ANKRD28: variants seen among roughly 807,000 people sequenced by gnomAD.
ANKRD28 encodes ankyrin repeat domain 28.
ANKRD28 carries 44 observed loss-of-function variants against 126.5 expected under a neutral mutation model. That is an observed-to-expected ratio of 0.35 (90% CI 0.27 to 0.45). The LOEUF (loss-of-function observed/expected upper bound fraction) is 0.45, where lower values mean the gene tolerates loss of function less well. Ranked by LOEUF, ANKRD28 falls within the 20% of genes least tolerant of loss-of-function variation. The pLI is 1.00. For missense variants in ANKRD28, 1,110 were observed against 1,316.6 expected, an observed-to-expected ratio of 0.84 and a Z score of 2.43; for synonymous variants, 442 against 468.5, an observed-to-expected ratio of 0.94 and a Z score of 0.73.
In ANKRD28 at chr3:15,841,712, G is replaced by A. The variant is rs1292495613; in HGVS notation, c.27+17665C>T. Among the ~76,000 whole-genome samples the A allele has an allele frequency of 2.0e-5, 3 of 152,194 alleles. No homozygotes were observed. In the East Asian group the frequency reaches 5.8e-4, roughly 29 times the overall value. Reference sequence around the variant, plus strand: ...CGGCATCACTGAGCATCAGAGAAATGCAAATCAAAACTACAATCATCTCAC... The same window carrying A: ...CGGCATCACTGAGCATCAGAGAAATACAAATCAAAACTACAATCATCTCAC... On this transcript the variant is annotated intron_variant, in intron 1 of 27. Transcript: ENST00000399451.
At chr3:15,856,231 C>A (rs1416476883) in intron 1 of ANKRD28, among the ~76,000 whole-genome samples, 1 of 152,188 alleles carries the variant, frequency 6.6e-6, no homozygotes, top group African/African-American at 2.4e-5. Flanking sequence ...CACACCAGCA[C>A]TGCAACAATG....
rs773703423 is a variant in ANKRD28 at position 15,670,294 on chromosome 3, G to A, written c.3228C>T (p.Asn1076=). The A allele has an allele frequency of 1.9e-5, 31 of 1,613,590 alleles. No homozygotes were observed. In the Admixed American group the frequency reaches 3.8e-4, roughly 20 times the overall value. The stretch of plus-strand genomic sequence containing the variant: ...CTCAGTAGGTCTCAGAATCGGAGTC[G>A]TTGAGCTCATCCACGTCAGTGTATA... ...EYLYTDVDEL[N]DSDSETY The change falls in exon 28 of 28, where the codon AAC becomes AAT. Residue 1076 remains asparagine, a synonymous_variant. Transcript: ENST00000683139.
In ANKRD28 at chr3:15,845,824, T is replaced by C. The variant is rs903071352; in HGVS notation, c.27+13553A>G. ...AAGGGGAAGCAAGCACGTCTTAATA[T>C]GGTGGAGCAGGAGGTAGGGGTATGT... On this transcript the variant is annotated intron_variant, in intron 1 of 27. Coordinates refer to the ANKRD28 transcript ENST00000399451. The surrounding 1 kb of genome is among the most constrained non-coding windows in gnomAD (Gnocchi z 4.9). Among the ~76,000 whole-genome samples, 1 of 152,154 alleles carries C rather than the reference T, an allele frequency of 6.6e-6. No homozygotes were observed. Among genetic ancestry groups the C allele is most frequent in the African/African-American group, 2.4e-5 (1 of 41,446 alleles).
rs1050094105 is a variant in ANKRD28 at position 15,853,873 on chromosome 3, T to C, written c.27+5504A>G. On this transcript the variant is annotated intron_variant, in intron 1 of 27. Transcript: ENST00000399451. The surrounding 1 kb of genome is among the most constrained non-coding windows in gnomAD (Gnocchi z 4.2). ...TCATACAAATCCAAGACACTCTCAA[T>C]TGTAGATACAAACAGGTCATTAATA... is the stretch of plus-strand genomic sequence containing the variant. 2.8e-4 allele frequency among the ~76,000 whole-genome samples: 42 copies of C among 152,188 alleles called. No individual in the cohort carries two copies. The highest frequency in any genetic ancestry group is 1.0e-3 in the African/African-American group (42 of 41,444).
chr3:15,803,108 G>C (rs1428612912), intron 1 of ANKRD28, among the ~76,000 whole-genome samples: 1 of 152,192 alleles, frequency 6.6e-6, no homozygotes, highest in Non-Finnish European at 1.5e-5. Flanking sequence ...AAGTTATAAA[G>C]TTTGTATTTT....
At chr3:15,848,647 G>T (rs1310025883) in intron 1 of ANKRD28, among the ~76,000 whole-genome samples, 3 of 151,896 alleles carry the variant, frequency 2.0e-5, no homozygotes, top group African/African-American at 7.2e-5. Flanking sequence ...CTGCACTACA[G>T]CCTGGGTGAC....
At chr3:15,717,750 C>G (rs1035464603) in intron 8 of ANKRD28, among the ~76,000 whole-genome samples, 1 of 152,144 alleles carries the variant, frequency 6.6e-6, no homozygotes, top group African/African-American at 2.4e-5. Context: ...ATGAAGCAAT[C>G]AGTGCAGTAA....
chr3:15,746,861 A>AT (rs1276044119), intron 4 of ANKRD28, among the ~76,000 whole-genome samples: 1 of 152,154 alleles, frequency 6.6e-6, no homozygotes, highest in Non-Finnish European at 1.5e-5. Flanking sequence ...TAAAATTATC[A>AT]TTTCAATCTT....
intron 1 of ANKRD28, among the ~76,000 whole-genome samples, chr3:15,832,366 A>C (rs1298251598): frequency 6.6e-6 from 1 of 152,236 alleles, no homozygotes; most frequent in Non-Finnish European, 1.5e-5. Context: ...GGTGCTGAGC[A>C]AAAGTGTCTC....
intron 6 of ANKRD28, among the ~76,000 whole-genome samples, chr3:15,729,732 A>G (rs1282747783): frequency 6.6e-6 from 1 of 152,222 alleles, no homozygotes; most frequent in Non-Finnish European, 1.5e-5. Context: ...TGCAAGACGC[A>G]TAAAGAACCA....
At chr3:15,808,355 G>A (rs1213239402) in intron 1 of ANKRD28, among the ~76,000 whole-genome samples, 1 of 152,138 alleles carries the variant, frequency 6.6e-6, no homozygotes. Flanking sequence ...GTTCCTCACA[G>A]CAATGCTTTA....
intron 18 of ANKRD28, among the ~76,000 whole-genome samples, chr3:15,686,897 A>G (rs1176930066): frequency 1.3e-5 from 2 of 152,072 alleles, no homozygotes; most frequent in Admixed American, 6.5e-5. Context: ...CAGAGCTCTG[A>G]CACCGTTGTA....
chr3:15,686,961 T>G (rs931301683), intron 18 of ANKRD28, among the ~76,000 whole-genome samples: 4 of 151,712 alleles, frequency 2.6e-5, no homozygotes, highest in Non-Finnish European at 5.9e-5. Flanking sequence ...TTTTTTTTTT[T>G]GAGACAGAAT....
intron 4 of ANKRD28, among the ~76,000 whole-genome samples, chr3:15,751,380 CAATT>C (rs1468241325): frequency 6.6e-6 from 1 of 152,084 alleles, no homozygotes; most frequent in Admixed American, 6.5e-5. Flanking sequence ...AGTAACATTT[CAATT>C]AATTATTATA....
Position 15,796,571 on chromosome 3 carries a change from T to C in ANKRD28, c.-50A>G, listed in dbSNP as rs1436929755. ...CAAGCTATGTGATAAAAGTCACAGT[T>C]GGAAGAGCACAAGTAGTTTTTCCTC... On this transcript the variant is annotated 5_prime_UTR_variant, in exon 1 of 28. Transcript: ENST00000683139. 8.0e-6 allele frequency: 10 copies of C among 1,244,582 alleles called. No homozygotes were observed. The East Asian group carries it at 4.7e-4, about 58-fold the overall frequency. The allele number at this position is 1,244,582 out of a possible 1,614,324, so 77.1% of individuals were successfully genotyped here.
chr3:15,689,517 A>G (rs992898569), intron 18 of ANKRD28, among the ~76,000 whole-genome samples: 1 of 152,192 alleles, frequency 6.6e-6, no homozygotes, highest in African/African-American at 2.4e-5. Flanking sequence ...GGAGGAAGGG[A>G]GCTACTTGGG....
chr3:15,844,562 T>C (rs1331103183), intron 1 of ANKRD28, among the ~76,000 whole-genome samples: 2 of 152,192 alleles, frequency 1.3e-5, no homozygotes, highest in South Asian at 2.1e-4. Context: ...GGAAGGCTTA[T>C]AAGGCAGAAT....
intron 4 of ANKRD28, among the ~76,000 whole-genome samples, chr3:15,744,007 G>C (rs1393985032): frequency 6.6e-6 from 1 of 152,108 alleles, no homozygotes; most frequent in Admixed American, 6.5e-5. Flanking sequence ...TAAACCAAAA[G>C]CCACCTACAG....
At chr3:15,858,752 C>G (rs2061828827) in intron 1 of ANKRD28, among the ~76,000 whole-genome samples, 1 of 152,144 alleles carries the variant, frequency 6.6e-6, no homozygotes. Context: ...GATACAGTTG[C>G]GATTTCGTTC....
Sources: allele counts gnomAD v4.1 joint callset (sites outside exome capture counted in the v4.1 genomes callset), GRCh38; gene constraint gnomAD v4.1.1; non-coding constraint Gnocchi (gnomAD v3.1); transcripts MANE v1.5; gene names NCBI Gene and HGNC (gene_info 2026-07-23, HGNC 2026-07-21).